The following CACNA2D3 variants were observed in gnomAD, a reference collection of about 807,000 sequenced individuals.
CACNA2D3 encodes calcium voltage-gated channel auxiliary subunit alpha2delta 3.
A neutral mutation model predicts 160.6 loss-of-function variants in CACNA2D3; 60 were observed. That is an observed-to-expected ratio of 0.37 (90% CI 0.30 to 0.46). The LOEUF is 0.46. Ranked by LOEUF, CACNA2D3 falls within the 20% of genes least tolerant of loss-of-function variation. The pLI is 1.00. For synonymous variants in CACNA2D3, 558 were observed against 492.9 expected (o/e 1.13, Z -1.75); for missense variants, 1,205 against 1,365.0 (o/e 0.88, Z 1.85).
At chr3:54,339,981 G>A (rs1704478425) in intron 3 of CACNA2D3, among the ~76,000 whole-genome samples, 1 of 152,090 alleles carries the variant, frequency 6.6e-6, no homozygotes, top group Admixed American at 6.5e-5. Flanking sequence ...GTTATTTCTT[G>A]GAGAAAAGAT....
intron 31 of CACNA2D3, among the ~76,000 whole-genome samples, chr3:55,002,458 G>A (rs1454793850): frequency 6.6e-6 from 1 of 152,216 alleles, no homozygotes; most frequent in Non-Finnish European, 1.5e-5. Context: ...GGACCAATTA[G>A]AGTTGTCCAT....
At chr3:54,694,222 G>A (rs1575426810) in intron 11 of CACNA2D3, among the ~76,000 whole-genome samples, 1 of 152,086 alleles carries the variant, frequency 6.6e-6, no homozygotes, top group Admixed American at 6.5e-5. Flanking sequence ...ACTTACCATT[G>A]TGTTACAGTT....
At chr3:54,875,183 AGT>A (rs1481784692) in intron 18 of CACNA2D3, 4 of 152,110 alleles carry the variant, frequency 2.6e-5, no homozygotes, top group African/African-American at 9.7e-5. Context: ...CCCTTCCCAG[AGT>A]GTCTCTCCAG....
At chr3:54,347,124 C>T (rs954789497) in intron 3 of CACNA2D3, among the ~76,000 whole-genome samples, 8 of 152,218 alleles carry the variant, frequency 5.3e-5, no homozygotes, top group African/African-American at 1.4e-4. Context: ...TGACCACAGA[C>T]AGCACTGTGC....
intron 5 of CACNA2D3, among the ~76,000 whole-genome samples, chr3:54,562,220 G>T (rs1702337221): frequency 6.6e-6 from 1 of 152,184 alleles, no homozygotes; most frequent in African/African-American, 2.4e-5. Flanking sequence ...AAAGGGTACA[G>T]CAGAAGACCA....
intron 11 of CACNA2D3, among the ~76,000 whole-genome samples, chr3:54,683,812 T>C (rs1012122735): frequency 1.3e-5 from 2 of 152,186 alleles, no homozygotes; most frequent in African/African-American, 2.4e-5. Flanking sequence ...CTGAAAACTC[T>C]AGAGAAGAGT....
intron 3 of CACNA2D3, among the ~76,000 whole-genome samples, chr3:54,368,739 T>C (rs539958507): frequency 2.2e-4 from 30 of 138,566 alleles, no homozygotes; most frequent in Middle Eastern, 3.9e-3. Flanking sequence ...TCTCACTCTG[T>C]CACCCAGGCT....
At position 55,018,258 on chromosome 3, in the gene CACNA2D3, C is replaced by T. The variant is rs1265803197; in HGVS notation, c.2928C>T (p.Phe976=). ...LEPCDTEYPA[F]VSERTIKETT... ...CTTGTGATACTGAATATCCAGCATT[C>T]GTCTCTGAGCGCACCATCAAGGAGA... The change falls in exon 35 of 38, where the codon TTC becomes TTT. Residue 976 remains phenylalanine (F), a synonymous_variant. Transcript: ENST00000474759. 4.3e-6 allele frequency: 7 copies of T among 1,613,172 alleles called. No individual in the cohort carries two copies. The Admixed American group carries it at 5.0e-5, about 12-fold the overall frequency.
intron 24 of CACNA2D3, among the ~76,000 whole-genome samples, chr3:54,889,169 C>G (rs1452257210): frequency 6.6e-6 from 1 of 152,182 alleles, no homozygotes; most frequent in South Asian, 2.1e-4. Flanking sequence ...GAGGATGAGG[C>G]TGCAGAGGGG....
At chr3:54,736,109 G>GTATA (rs1553814503) in intron 11 of CACNA2D3, among the ~76,000 whole-genome samples, 2 of 20,076 alleles carry the variant, frequency 1.0e-4, no homozygotes, top group African/African-American at 3.0e-4. Flanking sequence ...ACATATATAT[G>GTATA]TATATATATA....
chr3:54,883,032 T>A (rs984142375), intron 21 of CACNA2D3, among the ~76,000 whole-genome samples: 1 of 152,176 alleles, frequency 6.6e-6, no homozygotes, highest in Non-Finnish European at 1.5e-5. Context: ...TCTTTTTGTG[T>A]GTGTGTGTGA....
At chr3:54,997,840 A>G (rs902359032) in intron 31 of CACNA2D3, among the ~76,000 whole-genome samples, 2 of 152,224 alleles carry the variant, frequency 1.3e-5, no homozygotes, top group African/African-American at 4.8e-5. Flanking sequence ...TTAGGAATTG[A>G]GAGTGAGTTT....
intron 3 of CACNA2D3, among the ~76,000 whole-genome samples, chr3:54,345,859 G>T (rs1698448959): frequency 6.6e-6 from 1 of 150,764 alleles, no homozygotes; most frequent in Non-Finnish European, 1.5e-5. Flanking sequence ...AAAATTGCAT[G>T]TGTAGAATCT....
chr3:54,578,549 G>A (rs1309553696), intron 8 of CACNA2D3, among the ~76,000 whole-genome samples: 1 of 152,244 alleles, frequency 6.6e-6, no homozygotes, highest in African/African-American at 2.4e-5. Context: ...CCTTAGTACA[G>A]CTGCCTGGTG....
intron 11 of CACNA2D3, among the ~76,000 whole-genome samples, chr3:54,676,337 C>T (rs1009118918): frequency 2.0e-5 from 3 of 152,112 alleles, no homozygotes; most frequent in Admixed American, 6.5e-5. Flanking sequence ...TTATTGCTAG[C>T]TTGTGTTTAC....
intron 13 of CACNA2D3, among the ~76,000 whole-genome samples, chr3:54,813,713 A>G (rs530445196): frequency 8.5e-5 from 13 of 152,258 alleles, no homozygotes; most frequent in African/African-American, 2.9e-4. Context: ...CTCTGCCCTC[A>G]TGGAGTTTGT....
At chr3:54,512,233 A>G (rs140811076) in intron 5 of CACNA2D3, among the ~76,000 whole-genome samples, 41 of 152,274 alleles carry the variant, frequency 2.7e-4, no homozygotes, top group African/African-American at 8.2e-4. Context: ...ATGAATGTGA[A>G]TATAATATAT....
intron 2 of CACNA2D3, among the ~76,000 whole-genome samples, chr3:54,295,712 A>G (rs1703328001): frequency 6.6e-6 from 1 of 152,184 alleles, no homozygotes. Flanking sequence ...TCAGATATCC[A>G]TTTGCCTCAT....
chr3:54,388,943 G>A (rs1699234058), intron 4 of CACNA2D3, among the ~76,000 whole-genome samples: 1 of 152,146 alleles, frequency 6.6e-6, no homozygotes, highest in Admixed American at 6.5e-5. Flanking sequence ...AACTTAGCTT[G>A]TAACAATGAA....
Sources: allele counts gnomAD v4.1 joint callset (sites outside exome capture counted in the v4.1 genomes callset), GRCh38; gene constraint gnomAD v4.1.1; transcripts MANE v1.5; gene names NCBI Gene and HGNC (gene_info 2026-07-23, HGNC 2026-07-21).